FOCAD: variants seen among roughly 807,000 people sequenced by gnomAD.
The protein encoded by FOCAD is KIAA1797.
FOCAD carries 198 observed loss-of-function variants against 225.6 expected under a neutral mutation model. The observed-to-expected ratio is 0.88, with a 90% CI of 0.78 to 0.99. The LOEUF (loss-of-function observed/expected upper bound fraction) is 0.99, where lower values mean the gene tolerates loss of function less well. Ranked by LOEUF, FOCAD falls within the 50% of genes least tolerant of loss-of-function variation. The pLI is 0.00. For missense variants in FOCAD, 2,713 were observed against 2,123.6 expected (o/e 1.28, Z -5.46); for synonymous variants, 897 against 755.0 (o/e 1.19, Z -3.08).
intron 6 of FOCAD, among the ~76,000 whole-genome samples, chr9:20,760,452 C>G (rs574139099): frequency 3.2e-4 from 49 of 152,214 alleles, no homozygotes; most frequent in Non-Finnish European, 5.3e-4. Context: ...ATCTTCATCT[C>G]GCAGTTTATG....
chr9:20,749,514 A>C (rs1479617510), intron 5 of FOCAD, among the ~76,000 whole-genome samples: 1 of 152,188 alleles, frequency 6.6e-6, no homozygotes, highest in Non-Finnish European at 1.5e-5. Flanking sequence ...TTCTAACTTA[A>C]AATCTGCAGA....
intron 29 of FOCAD, 32 bp downstream of exon 29, chr9:20,944,806 C>A: frequency 6.3e-7 from 1 of 1,583,032 alleles, no homozygotes; most frequent in Non-Finnish European, 8.6e-7. Flanking sequence ...TTTTTCCCCT[C>A]TGCTCTCTTT....
chr9:20,710,023 A>G (rs1187912979), intron 1 of FOCAD, among the ~76,000 whole-genome samples: 1 of 152,114 alleles, frequency 6.6e-6, no homozygotes, highest in East Asian at 1.9e-4. Flanking sequence ...CCAAAGACAT[A>G]CTGGAATTAC....
intron 2 of FOCAD, among the ~76,000 whole-genome samples, chr9:20,667,751 C>T (rs1459142536): frequency 2.0e-5 from 3 of 152,014 alleles, no homozygotes; most frequent in East Asian, 1.9e-4. Flanking sequence ...TGAGATTATG[C>T]GTGGAAAACC....
In FOCAD at chr9:20,982,335, GTTTGGGA is replaced by G. The variant is rs775481098; in HGVS notation, c.4639-18_4639-12del. The G allele has an allele frequency of 6.4e-7, 1 of 1,552,732 alleles. No individual in the cohort carries two copies. ...GTTATTTTACACTGTTTGTTGACAT[GTTTGGGA>G]TTTTTCTTTATCAGAGAAAGGATCT... On this transcript the variant is annotated splice_polypyrimidine_tract_variant and intron_variant, in intron 38 of 43. Coordinates refer to ENST00000338382, the MANE Select transcript of FOCAD (RefSeq NM_001375567.1).
intron 28 of FOCAD, 85 bp downstream of exon 28, chr9:20,933,188 TTTTTTA>T (rs533780327): frequency 1.8e-5 from 17 of 958,536 alleles, no homozygotes; most frequent in Non-Finnish European, 2.6e-5. Context: ...TGGAGAAATA[TTTTTTA>T]TTTTTATTTT....
chr9:20,870,201 G>T (rs767088709), intron 18 of FOCAD, among the ~76,000 whole-genome samples: 1 of 152,074 alleles, frequency 6.6e-6, no homozygotes, highest in Non-Finnish European at 1.5e-5. Flanking sequence ...TAATATAAAA[G>T]AACTGATTAT....
At position 20,855,234 on chromosome 9, in the gene FOCAD, T is replaced by A. The variant is rs78335265; in HGVS notation, c.1921-7344T>A. On this transcript the variant is annotated intron_variant, in intron 15 of 43. Transcript: ENST00000338382. The stretch of plus-strand genomic sequence containing the variant: ...AATAGTGGTTTAAAATGGTGATACA[T>A]GGGTAAATAAAATGTATATATTCCT... Among the ~76,000 whole-genome samples, 614 of 151,728 alleles carry A rather than the reference T, an allele frequency of 4.0e-3. 5 individuals are homozygous for A. The highest frequency in any genetic ancestry group is 6.1e-3 in the Non-Finnish European group (412 of 67,688).
chr9:20,781,489 T>G (rs1359551858), intron 9 of FOCAD, among the ~76,000 whole-genome samples: 1 of 136,884 alleles, frequency 7.3e-6, no homozygotes. Context: ...AAATTCATAT[T>G]AACCTAAAAG....
intron 4 of FOCAD, among the ~76,000 whole-genome samples, chr9:20,725,472 C>A (rs1826121537): frequency 6.6e-6 from 1 of 152,180 alleles, no homozygotes; most frequent in African/African-American, 2.4e-5. Flanking sequence ...TAGTGAGAAA[C>A]AGCCTTCTAT....
Position 20,951,019 on chromosome 9 carries a change from T to C in FOCAD, c.3972T>C (p.Ile1324=), listed in dbSNP as rs1335506847. 6.2e-7 allele frequency: 1 copy of C among 1,613,546 alleles called. No homozygotes were observed. The highest frequency in any genetic ancestry group is 8.5e-7 in the Non-Finnish European group (1 of 1,179,554). The part of the protein sequence containing the change: ...LTQVISVSGV[I]GLQSNAVWLL... ...AGGTCATTAGTGTCTCTGGGGTGAT[T>C]GGTCTCCAGTCAAATGCAGTCTGGC... Residue 1324 remains isoleucine (I), a synonymous_variant, in exon 34 of 44, where the codon ATT becomes ATC. Transcript: ENST00000338382.
At chr9:20,918,161 C>T (rs1834028426) in intron 24 of FOCAD, among the ~76,000 whole-genome samples, 1 of 152,204 alleles carries the variant, frequency 6.6e-6, no homozygotes, top group Non-Finnish European at 1.5e-5. Context: ...AGTTTGTTCT[C>T]TTATGTAGTC....
At chr9:20,893,801 C>G (rs1453699388) in intron 21 of FOCAD, among the ~76,000 whole-genome samples, 1 of 152,016 alleles carries the variant, frequency 6.6e-6, no homozygotes, top group Non-Finnish European at 1.5e-5. Context: ...TCATGCCTAC[C>G]TCTCATCTTC....
chr9:20,764,096 G>C (rs1389885453), intron 6 of FOCAD, among the ~76,000 whole-genome samples: 2 of 152,130 alleles, frequency 1.3e-5, no homozygotes, highest in Non-Finnish European at 2.9e-5. Flanking sequence ...AGGGTTAACA[G>C]GTTAACAAGT....
chr9:20,834,889 A>G (rs1255644266), intron 15 of FOCAD, among the ~76,000 whole-genome samples: 1 of 152,112 alleles, frequency 6.6e-6, no homozygotes, highest in East Asian at 1.9e-4. Flanking sequence ...GAAAAAGTAA[A>G]ATATCTTATT....
chr9:20,715,785 C>A (rs1563907343), intron 2 of FOCAD, among the ~76,000 whole-genome samples: 1 of 151,752 alleles, frequency 6.6e-6, no homozygotes, highest in Admixed American at 6.6e-5. Flanking sequence ...CATATCCTAC[C>A]CCTTATATAG....
At chr9:20,964,753 C>T (rs1351781049) in intron 35 of FOCAD, among the ~76,000 whole-genome samples, 2 of 152,140 alleles carry the variant, frequency 1.3e-5, no homozygotes, top group Non-Finnish European at 2.9e-5. Flanking sequence ...CCAGGATGGT[C>T]TTGATCTCTT....
At chr9:20,699,785 T>TATATAC (rs1823769885) in intron 1 of FOCAD, among the ~76,000 whole-genome samples, 5 of 84,508 alleles carry the variant, frequency 5.9e-5, no homozygotes, top group African/African-American at 1.1e-4. Flanking sequence ...TATATATATA[T>TATATAC]ATATATATAT....
chr9:20,840,273 G>T (rs1826386757), intron 15 of FOCAD, among the ~76,000 whole-genome samples: 1 of 151,808 alleles, frequency 6.6e-6, no homozygotes, highest in Non-Finnish European at 1.5e-5. Context: ...TAACAATATT[G>T]ATTCTTCCAA....
Sources: allele counts gnomAD v4.1 joint callset (sites outside exome capture counted in the v4.1 genomes callset), GRCh38; gene constraint gnomAD v4.1.1; transcripts MANE v1.5; gene names NCBI Gene and HGNC (gene_info 2026-07-23, HGNC 2026-07-21).